The following DNM3 variants were observed in gnomAD, a reference collection of about 807,000 sequenced individuals.
The protein encoded by DNM3 is dynamin-3.
In DNM3, 47 loss-of-function variants were observed where a neutral mutation model predicts 101.6. The observed-to-expected ratio is 0.46, with a 90% confidence interval of 0.37 to 0.59. The LOEUF is 0.59. DNM3 is among the 20% of genes least tolerant of loss of function. DNM3 has a pLI of 0.00. For synonymous variants in DNM3, 385 were observed against 387.9 expected (o/e 0.99, Z 0.09); for missense variants, 849 against 1,085.7 (o/e 0.78, Z 3.06).
intron 14 of DNM3, chr1:172,136,623 T>C (rs748528135): frequency 3.4e-4 from 52 of 152,298 alleles, no homozygotes; most frequent in Admixed American, 7.2e-4. Context: ...TTTTTTAATA[T>C]AGGATTATTC....
intron 14 of DNM3, among the ~76,000 whole-genome samples, chr1:172,226,729 A>G (rs962937443): frequency 1.3e-5 from 2 of 152,132 alleles, no homozygotes; most frequent in African/African-American, 4.8e-5. Context: ...ATGTGTCATA[A>G]TTTTTTAGCT....
At chr1:171,894,468 G>C (rs988263296) in intron 1 of DNM3, among the ~76,000 whole-genome samples, 1 of 151,710 alleles carries the variant, frequency 6.6e-6, no homozygotes, top group Non-Finnish European at 1.5e-5. Flanking sequence ...GCAGTGGCAT[G>C]ATCTCGGCTC....
chr1:172,337,866 T>TTTTATTTTATTTTA (rs2066501774), intron 17 of DNM3, among the ~76,000 whole-genome samples: 6 of 113,164 alleles, frequency 5.3e-5, no homozygotes, highest in African/African-American at 2.0e-4. Flanking sequence ...TTTTATTTTA[T>TTTTATTTTATTTTA]TTTTATTTTA....
chr1:172,380,792 A>G (rs2068852637), intron 18 of DNM3: 1 of 151,932 alleles, frequency 6.6e-6, no homozygotes, highest in South Asian at 2.1e-4. Flanking sequence ...TGGTATATCC[A>G]GGCACTTGCT....
At chr1:172,224,689 A>G (rs1323539882) in intron 14 of DNM3, among the ~76,000 whole-genome samples, 1 of 152,238 alleles carries the variant, frequency 6.6e-6, no homozygotes, top group Non-Finnish European at 1.5e-5. Context: ...ATTTAAAGCT[A>G]GGAGGAACCT....
intron 1 of DNM3, among the ~76,000 whole-genome samples, chr1:171,880,915 AC>A (rs2036214394): frequency 6.6e-6 from 1 of 152,182 alleles, no homozygotes; most frequent in East Asian, 1.9e-4. Context: ...TAAAAAAAAA[AC>A]CTATGTGTCT....
intron 14 of DNM3, among the ~76,000 whole-genome samples, chr1:172,207,732 T>G (rs1247779381): frequency 1.3e-5 from 2 of 152,156 alleles, no homozygotes; most frequent in African/African-American, 2.4e-5. Flanking sequence ...ATATTTCAGT[T>G]GTAAATGTCC....
intron 16 of DNM3, among the ~76,000 whole-genome samples, chr1:172,319,778 T>C (rs1431867700): frequency 6.6e-6 from 1 of 152,182 alleles, no homozygotes; most frequent in Non-Finnish European, 1.5e-5. Context: ...TTTTACACTG[T>C]TGGTGGGACT....
chr1:172,406,057 C>T (rs2070860209), intron 20 of DNM3, among the ~76,000 whole-genome samples: 1 of 151,856 alleles, frequency 6.6e-6, no homozygotes, highest in South Asian at 2.1e-4. Context: ...AGCTAGATAC[C>T]ACAGTTACAT....
intron 1 of DNM3, among the ~76,000 whole-genome samples, chr1:171,912,884 G>T (rs956525286): frequency 1.3e-5 from 2 of 152,164 alleles, no homozygotes; most frequent in African/African-American, 4.8e-5. Context: ...TTTGCCATTC[G>T]TTTTCCTGGC....
At chr1:171,897,823 A>G (rs2037945722) in intron 1 of DNM3, among the ~76,000 whole-genome samples, 1 of 152,214 alleles carries the variant, frequency 6.6e-6, no homozygotes, top group Non-Finnish European at 1.5e-5. Flanking sequence ...GACCAACTAG[A>G]AAAATACAGT....
intron 15 of DNM3, among the ~76,000 whole-genome samples, chr1:172,303,281 A>C (rs2064567327): frequency 6.6e-6 from 1 of 152,240 alleles, no homozygotes; most frequent in African/African-American, 2.4e-5. Context: ...AAAGGGTATC[A>C]GTGATGGAAG....
chr1:172,042,971 C>A (rs2049499572), intron 8 of DNM3, among the ~76,000 whole-genome samples: 1 of 152,120 alleles, frequency 6.6e-6, no homozygotes, highest in South Asian at 2.1e-4. Flanking sequence ...GGGGTGGATT[C>A]ATTTTCTGTG....
At chr1:172,037,589 A>G (rs1215678059) in intron 6 of DNM3, among the ~76,000 whole-genome samples, 1 of 152,142 alleles carries the variant, frequency 6.6e-6, no homozygotes, top group Non-Finnish European at 1.5e-5. Context: ...TAAGACCTAA[A>G]CAATCTGGGT....
intron 1 of DNM3, among the ~76,000 whole-genome samples, chr1:171,880,421 A>G (rs2036164296): frequency 3.3e-5 from 5 of 152,168 alleles, no homozygotes. Context: ...CATCTTTTGA[A>G]ATTAAGCTTT....
chr1:172,323,470 G>A, intron 17 of DNM3, 130 bp downstream of exon 17: 1 of 1,133,262 alleles, frequency 8.8e-7, no homozygotes, highest in Non-Finnish European at 1.2e-6. Context: ...ATTATATGGG[G>A]TGTGCAAATT....
chr1:172,050,078 G>A (rs2050099562), intron 10 of DNM3, among the ~76,000 whole-genome samples: 1 of 152,012 alleles, frequency 6.6e-6, no homozygotes, highest in African/African-American at 2.4e-5. Context: ...AGGGACTGAG[G>A]GACAGAAAGA....
chr1:172,092,990 C>T, intron 13 of DNM3, 115 bp downstream of exon 13: 4 of 939,076 alleles, frequency 4.3e-6, no homozygotes, highest in Non-Finnish European at 6.1e-6. Flanking sequence ...GCTTGAAATG[C>T]AGCTTTCATT....
At chr1:172,402,758 A>G (rs1240187431) in intron 20 of DNM3, among the ~76,000 whole-genome samples, 1 of 152,214 alleles carries the variant, frequency 6.6e-6, no homozygotes, top group East Asian at 1.9e-4. Context: ...TCTTTATAAC[A>G]TAAGGCTAAA....
Sources: allele counts gnomAD v4.1 joint callset (sites outside exome capture counted in the v4.1 genomes callset), GRCh38; gene constraint gnomAD v4.1.1; transcripts MANE v1.5; gene names NCBI Gene and HGNC (gene_info 2026-07-23, HGNC 2026-07-21).